SIRT2: variants seen among roughly 807,000 people sequenced by gnomAD.
SIRT2 encodes the protein NAD-dependent protein deacetylase sirtuin-2.
In SIRT2, 40 loss-of-function variants were observed where a neutral mutation model predicts 57.4. The ratio of observed to expected loss-of-function variants is 0.70; its 90% CI spans 0.54 to 0.91. The LOEUF (loss-of-function observed/expected upper bound fraction) is 0.91, where lower values mean the gene tolerates loss of function less well. SIRT2 is among the 40% of genes least tolerant of loss of function. The probability of loss-of-function intolerance (pLI) is 0.00; values close to 1 mark genes in which losing one functional copy is unlikely to be tolerated. For missense variants in SIRT2, 439 were observed against 510.4 expected (o/e 0.86, Z 1.35); for synonymous variants, 161 against 195.7 (o/e 0.82, Z 1.48).
At chr19:38,899,078 AG>A (rs1313816505) in intron 1 of SIRT2, among the ~76,000 whole-genome samples, 1 of 152,000 alleles carries the variant, frequency 6.6e-6, no homozygotes, top group African/African-American at 2.4e-5. Context: ...CAGGTTTAGG[AG>A]GGAGGTGCAG....
At position 38,890,112 on chromosome 19, in the gene SIRT2, T is replaced by A. The variant is rs143528673; in HGVS notation, c.259A>T (p.Ile87Phe). The A allele has an allele frequency of 1.1e-5, 18 of 1,614,000 alleles. No homozygotes were observed. In the African/African-American group the frequency reaches 2.0e-4, roughly 18 times the overall value. ...GAGAAGGGTTACTTACATGTGGAGA[T>A]TCCAGCTCCCACCAAACAGATGACT... ...RRVICLVGAG[I>F]STSAGIPDFR... Residue 87 changes from isoleucine (I) to phenylalanine (F), a missense_variant, in exon 5 of 16, where the codon ATC becomes TTC. Ile to Phe is a conservative substitution (Grantham distance 21, BLOSUM62 0). Coordinates refer to ENST00000249396, the MANE Select transcript of SIRT2 (RefSeq NM_012237.4).
chr19:38,890,442 G>C (rs1973497900), intron 4 of SIRT2: 1 of 414,832 alleles, frequency 2.4e-6, no homozygotes, highest in Admixed American at 4.0e-5. Flanking sequence ...TGTAATCCCA[G>C]AACTTTGGGA....
rs761284450 is a variant in SIRT2, at chr19:38,881,496, G to T, written c.632-5C>A. 3.0e-5 allele frequency: 48 copies of T among 1,613,122 alleles called. 1 individual carries two copies. The highest frequency in any genetic ancestry group is 5.5e-5 in the South Asian group (5 of 91,056). On this transcript the variant is annotated splice_polypyrimidine_tract_variant and splice_region_variant and intron_variant, in intron 9 of 15. Transcript: ENST00000249396. Reference sequence around the variant, plus strand: ...TCACCTCAGAGAAGATCTTCTCTGGGTATGGGGAAGGGGAAGAAAGAGAAG... The same window carrying T: ...TCACCTCAGAGAAGATCTTCTCTGGTTATGGGGAAGGGGAAGAAAGAGAAG...
rs746927370 is a variant in SIRT2, at chr19:38,880,671, A to AGCGGCC, written c.876+13_876+14insGGCCGC. On this transcript the variant is annotated intron_variant, in intron 13 of 15. Coordinates refer to ENST00000249396, the MANE Select transcript of SIRT2 (RefSeq NM_012237.4). The surrounding 1 kb of genome is among the most constrained non-coding windows in gnomAD (Gnocchi z 4.1). The stretch of plus-strand genomic sequence containing the variant: ...GGAGCCTGTGACGACGGGGGCTTGA[A>AGCGGCC]GAAGGGCTCTTACCTGGCCAGCTTT... 2 of 1,537,432 alleles carry AGCGGCC rather than the reference A, an allele frequency of 1.3e-6. No individual in the cohort carries two copies. The highest frequency in any genetic ancestry group is 8.8e-7 in the Non-Finnish European group (1 of 1,140,822).
chr19:38,889,596 C>T (rs1032496122), intron 7 of SIRT2, 93 bp downstream of exon 7: 2 of 1,422,476 alleles, frequency 1.4e-6, no homozygotes, highest in Admixed American at 3.6e-5. Flanking sequence ...TTAATGGCTA[C>T]ATAATATTTG....
At chr19:38,889,777 C>A (rs1386984580) in intron 6 of SIRT2, 32 bp from the exon 7 acceptor site, 8 of 1,614,102 alleles carry the variant, frequency 5.0e-6, no homozygotes, top group Admixed American at 1.7e-5. Context: ...GGCCAGATGC[C>A]CCAGGTAGCG....
chr19:38,889,651 C>T (rs776877877), intron 7 of SIRT2, 38 bp downstream of exon 7: 10 of 1,612,206 alleles, frequency 6.2e-6, no homozygotes, highest in Non-Finnish European at 8.5e-6. Context: ...CCTCCCCCAA[C>T]CCTTCCTGTT....
intron 8 of SIRT2, among the ~76,000 whole-genome samples, chr19:38,885,921 T>C (rs1464066439): frequency 6.6e-6 from 1 of 152,118 alleles, no homozygotes; most frequent in Non-Finnish European, 1.5e-5. Context: ...AGACTTTCCA[T>C]ATTAAACAGG....
In SIRT2 at chr19:38,879,145, G is replaced by A. The variant is rs765124257; in HGVS notation, c.*10C>T. The A allele has an allele frequency of 1.9e-6, 3 of 1,560,052 alleles. No homozygotes were observed. The highest frequency in any genetic ancestry group is 2.3e-5 in the East Asian group (1 of 44,164). On this transcript the variant is annotated 3_prime_UTR_variant, in exon 16 of 16. Transcript: ENST00000249396. ...GAGGAGCTCGGCATCCCGCCTGGGA[G>A]ATGCAGCTGTCACTGGGGTTTCTCC... is the stretch of plus-strand genomic sequence containing the variant.
At chr19:38,886,890 G>A (rs1973358975) in intron 8 of SIRT2, among the ~76,000 whole-genome samples, 2 of 152,138 alleles carry the variant, frequency 1.3e-5, no homozygotes, top group South Asian at 2.1e-4. Context: ...GATTACAGAC[G>A]TGAGCCACCG....
chr19:38,888,472 C>T (rs1973412829), intron 8 of SIRT2, among the ~76,000 whole-genome samples: 2 of 152,190 alleles, frequency 1.3e-5, no homozygotes, highest in African/African-American at 2.4e-5. Flanking sequence ...GTGCCCAGCC[C>T]ATCAAGATTT....
chr19:38,885,348 T>A (rs1394788887), intron 8 of SIRT2, among the ~76,000 whole-genome samples: 3 of 151,990 alleles, frequency 2.0e-5, no homozygotes, highest in Non-Finnish European at 2.9e-5. Flanking sequence ...CAAGTGATCC[T>A]CCCACTTCAG....
At position 38,880,217 on chromosome 19, in the gene SIRT2, G is replaced by A. The variant is rs571037043; in HGVS notation, c.876+468C>T. The stretch of plus-strand genomic sequence containing the variant: ...CACAAAACCGCGATGGGGTTGTGGC[G>A]CCAGTGAGTTCACGCAGGCTAAGAC... On this transcript the variant is annotated intron_variant, in intron 13 of 15. Transcript: ENST00000249396. The surrounding 1 kb of genome is among the most constrained non-coding windows in gnomAD (Gnocchi z 4.1). 2.7e-5 allele frequency: 5 copies of A among 182,252 alleles called. No individual in the cohort carries two copies. The South Asian group carries it at 4.2e-4, about 15-fold the overall frequency. 11.3% of individuals were successfully genotyped at this position (182,252 alleles called of 1,614,324 possible).
intron 2 of SIRT2, among the ~76,000 whole-genome samples, chr19:38,895,161 G>A (rs1218101293): frequency 2.0e-5 from 3 of 150,980 alleles, no homozygotes; most frequent in South Asian, 2.1e-4. Context: ...TTCCCTCCCC[G>A]GCGCTCCACC....
intron 4 of SIRT2, among the ~76,000 whole-genome samples, chr19:38,892,293 G>A (rs920168357): frequency 1.6e-4 from 25 of 151,998 alleles, no homozygotes; most frequent in African/African-American, 5.8e-4. Context: ...CCACTCGGGA[G>A]GCTGAGGCAG....
chr19:38,889,571 C>T (rs1250925595), intron 7 of SIRT2, 118 bp downstream of exon 7: 3 of 1,165,874 alleles, frequency 2.6e-6, no homozygotes, highest in Non-Finnish European at 3.7e-6. Flanking sequence ...CAGTCTGGGC[C>T]CAGCACCCAT....
chr19:38,884,457 TTTG>T lies in SIRT2; in HGVS notation c.502-704_502-702del, dbSNP rs1232643524. Among the ~76,000 whole-genome samples the T allele has an allele frequency of 1.5e-3, 220 of 151,246 alleles. 1 individual carries two copies. The highest frequency in any genetic ancestry group is 4.5e-3 in the African/African-American group (184 of 41,180). On this transcript the variant is annotated intron_variant, in intron 8 of 15. Transcript: ENST00000249396. ...TGTGGTTTGTTTGTTTGTTTGTTTG[TTTG>T]TTTTTTGAGATGGAGTCTTGCTCTG...
chr19:38,891,844 T>C (rs376180525), intron 4 of SIRT2: 143 of 468,812 alleles, frequency 3.1e-4, no homozygotes, highest in African/African-American at 2.6e-3. Context: ...TTGTAGCCAC[T>C]GCCTGTGTTG....
intron 7 of SIRT2, 92 bp downstream of exon 7, chr19:38,889,597 A>G: frequency 7.0e-7 from 1 of 1,434,556 alleles, no homozygotes; most frequent in Non-Finnish European, 9.7e-7. Context: ...TAATGGCTAC[A>G]TAATATTTGT....
Sources: gnomAD v4.1 joint callset for allele counts (sites outside exome capture counted in the v4.1 genomes callset) on GRCh38, gnomAD v4.1.1 for gene constraint, Gnocchi (gnomAD v3.1) non-coding constraint, MANE v1.5 for transcripts, NCBI Gene and HGNC (gene_info 2026-07-23, HGNC 2026-07-21) for gene names.